TMEM232: variants seen among roughly 807,000 people sequenced by gnomAD.
TMEM232 encodes transmembrane protein 232.
TMEM232 carries 80 observed loss-of-function variants against 78.8 expected under a neutral mutation model. The ratio of observed to expected loss-of-function variants is 1.01; its 90% CI spans 0.85 to 1.22. The LOEUF is 1.22. Ranked by LOEUF, TMEM232 falls within the 50% of genes most tolerant of loss-of-function variation. TMEM232 has a pLI of 0.00. For synonymous variants in TMEM232, 297 were observed against 254.3 expected, an observed-to-expected ratio of 1.17 and a Z score of -1.60; for missense variants, 881 against 742.2, an observed-to-expected ratio of 1.19 and a Z score of -2.17.
At chr5:110,442,928 A>G (rs956538462) in intron 12 of TMEM232, among the ~76,000 whole-genome samples, 3 of 152,096 alleles carry the variant, frequency 2.0e-5, no homozygotes, top group African/African-American at 4.8e-5. Context: ...CTTTCTTCCC[A>G]ACAAATGGAG....
At chr5:110,672,001 C>T (rs72773140) in intron 1 of TMEM232, among the ~76,000 whole-genome samples, 13,003 of 151,654 alleles carry the variant, frequency 0.086, 584 homozygotes, top group Admixed American at 0.12. Flanking sequence ...GCATTTAATG[C>T]CAAATGGATG....
chr5:110,716,624 G>A (rs10036504), intron 1 of TMEM232, among the ~76,000 whole-genome samples: 14,301 of 152,096 alleles, frequency 0.094, 795 homozygotes, highest in South Asian at 0.2. Flanking sequence ...AAGCAAAGGG[G>A]AGTGGCTATA....
chr5:110,605,494 AC>A, intron 9 of TMEM232, 136 bp from the exon 10 acceptor site: 1 of 952,084 alleles, frequency 1.1e-6, no homozygotes, highest in Non-Finnish European at 1.5e-6. Context: ...AAATGGGTTT[AC>A]CATGAGTAGA....
chr5:110,628,420 C>G (rs1784684582), intron 5 of TMEM232, among the ~76,000 whole-genome samples: 1 of 151,898 alleles, frequency 6.6e-6, no homozygotes, highest in Non-Finnish European at 1.5e-5. Context: ...GCTCCCTATT[C>G]CCTCATGAAA....
Position 110,420,687 on chromosome 5 carries a change from TTTTA to T in TMEM232, c.1863_1866del (p.Asp621GlufsTer3). Reference sequence around the variant, plus strand: ...TGAAAGTGATTTTTCTCTGCTAACTTTTTATCTTTAAGTTCTTGGGCCTTGCATA... The same window carrying T: ...TGAAAGTGATTTTTCTCTGCTAACTTTCTTTAAGTTCTTGGGCCTTGCATA... On this transcript the variant is annotated frameshift_variant, in exon 14 of 14. Transcript: ENST00000455884. LOFTEE classifies it high-confidence loss of function. The T allele has an allele frequency of 6.5e-7, 1 of 1,527,110 alleles. No individual in the cohort carries two copies. Among genetic ancestry groups the T allele is most frequent in the Non-Finnish European group, 8.7e-7 (1 of 1,144,198 alleles). The allele number at this position is 1,527,110 out of a possible 1,614,324, so 94.6% of individuals were successfully genotyped here. A position where few individuals can be genotyped will look rare whatever the true frequency, so the allele number is the denominator to read the frequency against.
chr5:110,407,434 T>C (rs1378743245), intron 2 of TMEM232, among the ~76,000 whole-genome samples: 1 of 152,052 alleles, frequency 6.6e-6, no homozygotes, highest in African/African-American at 2.4e-5. Flanking sequence ...AAGAGACAAA[T>C]TTACTATATA....
intron 3 of TMEM232, among the ~76,000 whole-genome samples, chr5:110,392,665 C>T (rs561363753): frequency 6.6e-6 from 1 of 152,140 alleles, no homozygotes; most frequent in South Asian, 2.1e-4. Context: ...ATATTAATGA[C>T]ATCATGAGGG....
chr5:110,468,582 T>C (rs1762342041), intron 12 of TMEM232, among the ~76,000 whole-genome samples: 1 of 152,098 alleles, frequency 6.6e-6, no homozygotes, highest in Admixed American at 6.5e-5. Flanking sequence ...GGAAATTCTA[T>C]TCGAATGATA....
intron 12 of TMEM232, among the ~76,000 whole-genome samples, chr5:110,443,852 GGCCAAGGAT>G (rs934588298): frequency 2.0e-5 from 3 of 152,128 alleles, no homozygotes; most frequent in Admixed American, 1.3e-4. Flanking sequence ...AGTGACTTTT[GGCCAAGGAT>G]GTGTGTAGAA....
chr5:110,696,284 G>A (rs996685923), intron 1 of TMEM232, among the ~76,000 whole-genome samples: 1 of 152,112 alleles, frequency 6.6e-6, no homozygotes, highest in Non-Finnish European at 1.5e-5. Flanking sequence ...AATAAATTAG[G>A]TATTGATGGG....
chr5:110,499,297 T>G (rs1765953039), intron 12 of TMEM232, among the ~76,000 whole-genome samples: 1 of 152,158 alleles, frequency 6.6e-6, no homozygotes. Context: ...CAAGATGTAC[T>G]TTTTGTTTTC....
chr5:110,394,222 G>C (rs1210040377), intron 3 of TMEM232, among the ~76,000 whole-genome samples: 2 of 152,000 alleles, frequency 1.3e-5, no homozygotes, highest in African/African-American at 2.4e-5. Flanking sequence ...TTCTGTGTTT[G>C]GCTTATTTCA....
chr5:110,430,738 A>C (rs1287094491), intron 12 of TMEM232, among the ~76,000 whole-genome samples: 1 of 151,778 alleles, frequency 6.6e-6, no homozygotes, highest in African/African-American at 2.4e-5. Flanking sequence ...ATTAAATAAA[A>C]TTTTCAATAA....
chr5:110,686,901 C>T (rs150429423), intron 1 of TMEM232, among the ~76,000 whole-genome samples: 58 of 152,244 alleles, frequency 3.8e-4, no homozygotes, highest in African/African-American at 1.3e-3. Flanking sequence ...TGTTAGGCCT[C>T]CCCTGACTTC....
At chr5:110,522,097 C>A (rs551831800) in intron 12 of TMEM232, among the ~76,000 whole-genome samples, 1 of 152,262 alleles carries the variant, frequency 6.6e-6, no homozygotes, top group Non-Finnish European at 1.5e-5. Context: ...TTCTTTATTT[C>A]ACCAAGGTTT....
At chr5:110,479,357 T>C (rs749199085) in intron 12 of TMEM232, among the ~76,000 whole-genome samples, 59 of 151,758 alleles carry the variant, frequency 3.9e-4, no homozygotes, top group Non-Finnish European at 6.5e-4. Flanking sequence ...ACTTGATGAA[T>C]TATCACAAAG....
At position 110,596,309 on chromosome 5, in the gene TMEM232, A is replaced by G. The variant is rs544490399; in HGVS notation, c.1276+8800T>C. Among the ~76,000 whole-genome samples the G allele has an allele frequency of 5.3e-5, 8 of 152,308 alleles. 1 individual carries two copies. The South Asian group carries it at 1.7e-3, about 32-fold the overall frequency. ...GACACATACACTCTCCCAAGACTAA[A>G]CCAGGAAGAAGTTGAATCTCTGAAT... On this transcript the variant is annotated intron_variant, in intron 10 of 13. Coordinates refer to ENST00000455884, the MANE Select transcript of TMEM232 (RefSeq NM_001039763.4).
At chr5:110,653,402 T>C (rs1422489) in intron 2 of TMEM232, among the ~76,000 whole-genome samples, 148,365 of 152,288 alleles carry the variant, frequency 0.97, 72,362 homozygotes, top group Non-Finnish European at 1. Context: ...TTCAGTGCTG[T>C]AAAACTGTTA....
At chr5:110,487,960 G>C (rs772879156) in intron 12 of TMEM232, among the ~76,000 whole-genome samples, 9 of 151,946 alleles carry the variant, frequency 5.9e-5, no homozygotes, top group Non-Finnish European at 1.2e-4. Context: ...TTGAATGTCT[G>C]GTAGAATTCT....
Sources: gnomAD v4.1 joint callset for allele counts (sites outside exome capture counted in the v4.1 genomes callset) on GRCh38, gnomAD v4.1.1 for gene constraint, MANE v1.5 for transcripts, NCBI Gene and HGNC (gene_info 2026-07-23, HGNC 2026-07-21) for gene names.